Variants in MOV10L1 observed in about 807,000 individuals in gnomAD.
MOV10L1 encodes the protein Mov10 like RNA helicase 1.
MOV10L1 carries 110 observed loss-of-function variants against 143.8 expected under a neutral mutation model. The ratio of observed to expected loss-of-function variants is 0.76; its 90% CI spans 0.66 to 0.90. The LOEUF (loss-of-function observed/expected upper bound fraction) is 0.90. Among genes scored for constraint, MOV10L1 ranks in the 40% least tolerant of loss-of-function variants. The pLI, the probability that MOV10L1 is intolerant of heterozygous loss-of-function variation, is 0.00. For synonymous variants in MOV10L1, 593 were observed against 581.1 expected (o/e 1.02, Z -0.29); for missense variants, 1,406 against 1,526.8 (o/e 0.92, Z 1.32).
intron 3 of MOV10L1, among the ~76,000 whole-genome samples, chr22:50,102,108 C>A (rs1208171088): frequency 1.3e-5 from 2 of 152,150 alleles, no homozygotes; most frequent in African/African-American, 4.8e-5. Context: ...CAAGGGATTT[C>A]CCAGTATAAA....
intron 20 of MOV10L1, among the ~76,000 whole-genome samples, 174 bp from the exon 21 acceptor site, chr22:50,150,561 G>A (rs1172792999): frequency 6.6e-6 from 1 of 152,258 alleles, no homozygotes; most frequent in East Asian, 1.9e-4. Flanking sequence ...GGGAAGCGGG[G>A]AGAGACGGCT....
rs189347010 is a variant in MOV10L1, at chr22:50,158,555, T to A, written c.3216+349T>A. 2.2e-4 allele frequency: 55 copies of A among 249,172 alleles called. No individual in the cohort carries two copies. Among genetic ancestry groups the A allele is most frequent in the African/African-American group, 1.1e-3 (49 of 43,984 alleles). The allele number at this position is 249,172 out of a possible 1,614,324, so 15.4% of individuals were successfully genotyped here. A position where few individuals can be genotyped will look rare whatever the true frequency, so the allele number is the denominator to read the frequency against. On this transcript the variant is annotated intron_variant, in intron 23 of 26. Transcript: ENST00000262794. This position sits in a 1 kb window ranked among gnomAD's most constrained non-coding sequence, Gnocchi z 5.0. ...AGGGGGCACTTTGGGTATATTTGAA[T>A]GGGACGCTTCTCATTTCGTATGACT...
chr22:50,121,601 G>T (rs1226328542), intron 10 of MOV10L1, among the ~76,000 whole-genome samples: 2 of 152,214 alleles, frequency 1.3e-5, no homozygotes, highest in Non-Finnish European at 2.9e-5. Flanking sequence ...GGGCAGGGAG[G>T]TTGCCATGAG....
intron 17 of MOV10L1, 106 bp downstream of exon 17, chr22:50,143,327 A>T (rs2063044388): frequency 7.9e-7 from 1 of 1,271,954 alleles, no homozygotes; most frequent in African/African-American, 1.5e-5. Context: ...ACAGTTGGAA[A>T]GAGCTTGAGA....
intron 19 of MOV10L1, among the ~76,000 whole-genome samples, chr22:50,146,481 G>A (rs1481662268): frequency 1.3e-5 from 2 of 152,070 alleles, no homozygotes; most frequent in African/African-American, 2.4e-5. Flanking sequence ...GGGTGGGGTC[G>A]GGGAGGCAGC....
chr22:50,132,325 A>G (rs780026286), intron 13 of MOV10L1, among the ~76,000 whole-genome samples: 3 of 152,204 alleles, frequency 2.0e-5, no homozygotes, highest in Non-Finnish European at 4.4e-5. Flanking sequence ...AGGTCATGTC[A>G]GTCTCTACAG....
intron 11 of MOV10L1, 139 bp downstream of exon 11, chr22:50,125,708 G>A: frequency 1.2e-6 from 1 of 823,354 alleles, no homozygotes; most frequent in Admixed American, 3.0e-5. Flanking sequence ...CTAAAAATCA[G>A]CAACCGATGT....
In MOV10L1 at chr22:50,147,243, G is replaced by A. The variant is rs568287757; in HGVS notation, c.2627+1433G>A. 1.9e-4 allele frequency: 119 copies of A among 610,676 alleles called. 1 individual carries two copies. The highest frequency in any genetic ancestry group is 1.9e-3 in the African/African-American group (88 of 47,448). The allele number at this position is 610,676 out of a possible 1,614,324, so 37.8% of individuals were successfully genotyped here. Reference sequence around the variant, plus strand: ...GGTGCTGCAGGCCGCTCTCTCAGAGGCGCTCTGTGCAGAAGCAGGGAGGGT... The same window carrying A: ...GGTGCTGCAGGCCGCTCTCTCAGAGACGCTCTGTGCAGAAGCAGGGAGGGT... On this transcript the variant is annotated intron_variant, in intron 19 of 26. Coordinates refer to ENST00000262794, the MANE Select transcript of MOV10L1 (RefSeq NM_018995.3).
chr22:50,113,736 C>T lies in MOV10L1; in HGVS notation c.832C>T (p.His278Tyr). 6.2e-7 allele frequency: 1 copy of T among 1,613,980 alleles called. No homozygotes were observed. Among genetic ancestry groups the T allele is most frequent in the East Asian group, 2.2e-5 (1 of 44,870 alleles). ...KGDIEVTQVT[H>Y]FGTLKEGRSK... ...TGATATTGAAGTTACACAGGTGACG[C>T]ATTTTGGAACCCTAAAGGAAGGAAG... is the stretch of plus-strand genomic sequence containing the variant. The change falls in exon 6 of 27, where the codon CAT becomes TAT. Residue 278 changes from histidine to tyrosine, a missense_variant. His to Tyr is a moderately conservative substitution (Grantham distance 83). Coordinates refer to ENST00000262794, the MANE Select transcript of MOV10L1 (RefSeq NM_018995.3).
chr22:50,118,469 A>C (rs1181498266), intron 9 of MOV10L1, among the ~76,000 whole-genome samples: 2 of 152,214 alleles, frequency 1.3e-5, no homozygotes, highest in Non-Finnish European at 2.9e-5. Context: ...TGCCTGATGC[A>C]CTAGGGGCCA....
At chr22:50,092,568 G>T (rs978798644) in intron 2 of MOV10L1, among the ~76,000 whole-genome samples, 4 of 152,162 alleles carry the variant, frequency 2.6e-5, no homozygotes, top group Non-Finnish European at 5.9e-5. Context: ...AGCCCAGAGG[G>T]TCAAGGCTGC....
chr22:50,101,194 C>T (rs997654986), intron 3 of MOV10L1, among the ~76,000 whole-genome samples: 2 of 152,064 alleles, frequency 1.3e-5, no homozygotes, highest in Non-Finnish European at 2.9e-5. Flanking sequence ...CTCTTTTTCA[C>T]CTTGGTTTTT....
chr22:50,142,097 C>A lies in MOV10L1; in HGVS notation c.2087C>A (p.Thr696Lys). The change falls in exon 16 of 27, where the codon ACG becomes AAG. Residue 696 changes from threonine to lysine, a missense_variant. Physicochemically the swap from Thr to Lys is moderately conservative, Grantham distance 78 (BLOSUM62 -1). This residue lies in a region of MOV10L1 where 1,233 missense variants were observed against 1,351.4 expected (regional missense o/e 0.91). Transcript: ENST00000262794. ...STSKKNRKTM[T>K]DQAEHGTEER... ...AATTTCTAGAATAGGAAAACAATGA[C>A]GGACCAAGCTGAGCATGGAACAGAG... 6.2e-7 allele frequency: 1 copy of A among 1,608,078 alleles called. No homozygotes were observed. The highest frequency in any genetic ancestry group is 1.7e-5 in the Admixed American group (1 of 58,308).
chr22:50,150,862 A>G lies in MOV10L1; in HGVS notation c.2855A>G (p.Asn952Ser), dbSNP rs1016399430. Residue 952 changes from asparagine to serine, a missense_variant, in exon 21 of 27, where the codon AAT becomes AGT. By Grantham distance (46) the Asn-to-Ser change is conservative (BLOSUM62 1). This residue lies in a region of MOV10L1 where 1,233 missense variants were observed against 1,351.4 expected (regional missense o/e 0.91). Coordinates refer to ENST00000262794, the MANE Select transcript of MOV10L1 (RefSeq NM_018995.3). ...CGACCCGCGTACCAGAGGGACGAAAATGCTTTCGGTGCTTGTGGCGCACAT... is the reference window on the plus strand; with the variant it reads ...CGACCCGCGTACCAGAGGGACGAAAGTGCTTTCGGTGCTTGTGGCGCACAT... ...MSRPAYQRDENAFGACGAHNP... is the reference protein window; with the variant it reads ...MSRPAYQRDESAFGACGAHNP... The G allele has an allele frequency of 1.9e-6, 3 of 1,614,022 alleles. No individual in the cohort carries two copies. The highest frequency in any genetic ancestry group is 2.5e-6 in the Non-Finnish European group (3 of 1,180,018).
chr22:50,120,450 T>G (rs1300396254), intron 9 of MOV10L1, 52 bp from the exon 10 acceptor site: 1 of 1,137,336 alleles, frequency 8.8e-7, no homozygotes, highest in East Asian at 2.3e-5. Flanking sequence ...GAATGTCTAG[T>G]GATACCTGGT....
At chr22:50,101,330 C>G (rs1180462609) in intron 3 of MOV10L1, among the ~76,000 whole-genome samples, 4 of 152,316 alleles carry the variant, frequency 2.6e-5, no homozygotes, top group Middle Eastern at 3.4e-3. Flanking sequence ...ATTCTCCTGC[C>G]TCAGCCTCCT....
In MOV10L1 at chr22:50,145,754, C is replaced by T; in HGVS notation, c.2571C>T (p.Phe857=). 1 of 1,614,176 alleles carries T rather than the reference C, an allele frequency of 6.2e-7. No homozygotes were observed. The highest frequency in any genetic ancestry group is 8.5e-7 in the Non-Finnish European group (1 of 1,180,038). Residue 857 remains phenylalanine (F), a synonymous_variant, in exon 19 of 27, where the codon TTC becomes TTT. Coordinates refer to ENST00000262794, the MANE Select transcript of MOV10L1 (RefSeq NM_018995.3). ...DGEDIWKASR[F]RIIITTCSSS... is the part of the protein sequence containing the mutation. ...AAGACATCTGGAAAGCCTCACGCTT[C>T]CGGATAATCATCACCACATGCAGCA...
chr22:50,113,491 T>C, intron 5 of MOV10L1, 157 bp from the exon 6 acceptor site: 8 of 945,514 alleles, frequency 8.5e-6, no homozygotes, highest in Non-Finnish European at 1.2e-5. Flanking sequence ...CCTTAGGGTT[T>C]GCCATCCTCC....
chr22:50,134,314 A>ATTC (rs1555997039), intron 14 of MOV10L1, among the ~76,000 whole-genome samples: 10 of 151,892 alleles, frequency 6.6e-5, no homozygotes, highest in Non-Finnish European at 7.4e-5. Context: ...TCATAAATGT[A>ATTC]ATTTATGAAT....
Sources: allele counts gnomAD v4.1 joint callset (sites outside exome capture counted in the v4.1 genomes callset), GRCh38; gene constraint gnomAD v4.1.1; regional missense constraint gnomAD v4.1.1; non-coding constraint Gnocchi (gnomAD v3.1); transcripts MANE v1.5; gene names NCBI Gene and HGNC (gene_info 2026-07-23, HGNC 2026-07-21).